The following MACROD2 variants were observed in gnomAD, a reference collection of about 807,000 sequenced individuals.
The protein encoded by MACROD2 is mono-ADP ribosylhydrolase 2, also known as ADP-ribose glycohydrolase MACROD2.
Under a neutral mutation model 70.4 loss-of-function variants are expected in MACROD2, and 36 were observed. That is an observed-to-expected ratio of 0.51 (90% confidence interval 0.39 to 0.68). The LOEUF is 0.68. Among genes scored for constraint, MACROD2 ranks in the 30% least tolerant of loss-of-function variants. MACROD2 has a pLI of 0.00. For missense variants in MACROD2, 496 were observed against 538.4 expected, an observed-to-expected ratio of 0.92 and a Z score of 0.78; for synonymous variants, 172 against 178.8, an observed-to-expected ratio of 0.96 and a Z score of 0.30.
chr20:15,921,323 T>A (rs1366387247), intron 10 of MACROD2, among the ~76,000 whole-genome samples: 1 of 152,192 alleles, frequency 6.6e-6, no homozygotes, highest in Non-Finnish European at 1.5e-5. Flanking sequence ...ATTCCCTCTT[T>A]CCTCAACTCA....
chr20:14,939,305 A>G (rs979381470), intron 5 of MACROD2, among the ~76,000 whole-genome samples: 5 of 151,754 alleles, frequency 3.3e-5, no homozygotes, highest in Non-Finnish European at 7.4e-5. Context: ...TCATTTTTCT[A>G]CAAATGGTTA....
intron 3 of MACROD2, among the ~76,000 whole-genome samples, chr20:14,154,630 T>C (rs181617094): frequency 6.8e-6 from 1 of 147,290 alleles, no homozygotes; most frequent in African/African-American, 2.5e-5. Context: ...GCCAGGATGG[T>C]CTCGACCTCT....
chr20:14,737,318 G>A (rs1308829211), intron 5 of MACROD2, among the ~76,000 whole-genome samples: 1 of 152,190 alleles, frequency 6.6e-6, no homozygotes, highest in African/African-American at 2.4e-5. Flanking sequence ...ATTCCATGGT[G>A]TATATGTGCC....
intron 2 of MACROD2, among the ~76,000 whole-genome samples, chr20:14,036,447 G>C (rs2053311602): frequency 6.6e-6 from 1 of 152,118 alleles, no homozygotes; most frequent in South Asian, 2.1e-4. Context: ...ACCTCAGGGT[G>C]TTTTCCGGTG....
intron 3 of MACROD2, among the ~76,000 whole-genome samples, chr20:14,483,652 C>T (rs1005144664): frequency 2.0e-5 from 3 of 152,200 alleles, no homozygotes; most frequent in African/African-American, 4.8e-5. Context: ...GTGATCCACC[C>T]GCCTTGGCCT....
intron 3 of MACROD2, among the ~76,000 whole-genome samples, chr20:14,125,278 C>T (rs966659132): frequency 2.0e-5 from 3 of 152,126 alleles, no homozygotes; most frequent in African/African-American, 7.2e-5. Context: ...ATTTCACTTA[C>T]ACTTTCAAAA....
chr20:14,000,746 C>G (rs1415355221), intron 1 of MACROD2, among the ~76,000 whole-genome samples: 1 of 152,132 alleles, frequency 6.6e-6, no homozygotes, highest in East Asian at 1.9e-4. Flanking sequence ...TGCATGTTTT[C>G]CTGTGTCCTA....
intron 4 of MACROD2, among the ~76,000 whole-genome samples, chr20:14,590,987 T>A (rs1424738114): frequency 6.6e-6 from 1 of 152,130 alleles, no homozygotes; most frequent in Non-Finnish European, 1.5e-5. Flanking sequence ...TTTCTATAAA[T>A]CAGGTAAAAA....
chr20:15,662,972 A>G (rs2049842965), intron 8 of MACROD2, among the ~76,000 whole-genome samples: 1 of 124,958 alleles, frequency 8.0e-6, no homozygotes, highest in South Asian at 3.2e-4. Flanking sequence ...GAATGTTTAC[A>G]TGATCAAAAA....
At chr20:14,924,430 C>T (rs2074203557) in intron 5 of MACROD2, among the ~76,000 whole-genome samples, 1 of 151,022 alleles carries the variant, frequency 6.6e-6, no homozygotes, top group South Asian at 2.1e-4. Context: ...CAGAGCAATA[C>T]TCTGCCTCAA....
At chr20:15,978,485 C>CACCATATAA in intron 13 of MACROD2, among the ~76,000 whole-genome samples, 1 of 152,244 alleles carries the variant, frequency 6.6e-6, no homozygotes, top group East Asian at 1.9e-4. Context: ...GGTCTCTCTC[C>CACCATATAA]ACCATATAAA....
At chr20:14,458,431 G>T (rs1312549183) in intron 3 of MACROD2, among the ~76,000 whole-genome samples, 2 of 152,100 alleles carry the variant, frequency 1.3e-5, no homozygotes, top group Non-Finnish European at 2.9e-5. Flanking sequence ...AGTTTTTCTG[G>T]TGACAAAGTT....
intron 2 of MACROD2, among the ~76,000 whole-genome samples, chr20:14,011,014 A>G (rs1338742308): frequency 6.6e-6 from 1 of 152,126 alleles, no homozygotes; most frequent in Non-Finnish European, 1.5e-5. Context: ...GTTCTCTTTC[A>G]TAGCATTCAC....
At chr20:14,180,673 TTTATC>T (rs762709835) in intron 3 of MACROD2, among the ~76,000 whole-genome samples, 178 of 152,188 alleles carry the variant, frequency 1.2e-3, no homozygotes, top group Non-Finnish European at 1.8e-3. Flanking sequence ...ATTATTTTCT[TTTATC>T]TTATTTTTCT....
chr20:14,988,669 C>T (rs561402388), intron 5 of MACROD2, among the ~76,000 whole-genome samples: 2 of 152,194 alleles, frequency 1.3e-5, no homozygotes, highest in Admixed American at 6.5e-5. Context: ...TCATCAGTAC[C>T]CACATCTGGC....
At chr20:15,477,104 T>G (rs892126942) in intron 7 of MACROD2, among the ~76,000 whole-genome samples, 1 of 146,944 alleles carries the variant, frequency 6.8e-6, no homozygotes, top group East Asian at 2.0e-4. Context: ...TTTTAGTTTT[T>G]TTTTTTTTTT....
intron 8 of MACROD2, among the ~76,000 whole-genome samples, chr20:15,600,126 G>A (rs1464037693): frequency 1.3e-5 from 2 of 151,924 alleles, no homozygotes; most frequent in African/African-American, 2.4e-5. Context: ...TGGGGAGCTG[G>A]CAATTCTCCA....
At chr20:15,667,576 G>A (rs1271576608) in intron 8 of MACROD2, among the ~76,000 whole-genome samples, 2 of 151,950 alleles carry the variant, frequency 1.3e-5, no homozygotes, top group Admixed American at 6.6e-5. Flanking sequence ...GCTTCAACTT[G>A]CATCTCCAAA....
chr20:14,544,777 A>T (rs1359122024), intron 4 of MACROD2, among the ~76,000 whole-genome samples: 1 of 152,202 alleles, frequency 6.6e-6, no homozygotes, highest in Non-Finnish European at 1.5e-5. Context: ...AGTCAAGTGT[A>T]CAGAATTTCC....
Sources: gnomAD v4.1 joint callset for allele counts (sites outside exome capture counted in the v4.1 genomes callset) on GRCh38, gnomAD v4.1.1 for gene constraint, MANE v1.5 for transcripts, NCBI Gene and HGNC (gene_info 2026-07-23, HGNC 2026-07-21) for gene names.